MTMR3: variants seen among roughly 807,000 people sequenced by gnomAD.
MTMR3 encodes the protein myotubularin related protein 3.
Under a neutral mutation model 132.4 loss-of-function variants are expected in MTMR3, and 32 were observed. That is an observed-to-expected ratio of 0.24 (90% CI 0.18 to 0.32). The LOEUF (loss-of-function observed/expected upper bound fraction) is 0.32. MTMR3 is among the 10% of genes least tolerant of loss of function. The pLI is 1.00. For missense variants in MTMR3, 1,216 were observed against 1,489.6 expected (o/e 0.82, Z 3.02); for synonymous variants, 556 against 550.3 (o/e 1.01, Z -0.14).
At chr22:29,887,282 C>A (rs1288901669) in intron 1 of MTMR3, among the ~76,000 whole-genome samples, 1 of 152,130 alleles carries the variant, frequency 6.6e-6, no homozygotes, top group South Asian at 2.1e-4. Flanking sequence ...ACATAACCCC[C>A]CTGAGCTCCA....
intron 2 of MTMR3, among the ~76,000 whole-genome samples, chr22:29,966,977 T>A (rs2066433760): frequency 6.6e-6 from 1 of 152,150 alleles, no homozygotes. Context: ...TAATATGATG[T>A]TTCAGAATCA....
intron 1 of MTMR3, among the ~76,000 whole-genome samples, chr22:29,934,004 T>G (rs918050820): frequency 2.0e-5 from 3 of 152,206 alleles, no homozygotes; most frequent in African/African-American, 7.2e-5. Flanking sequence ...GATTTATGGA[T>G]AAAAACATGT....
chr22:30,007,286 C>G lies in MTMR3; in HGVS notation c.844C>G (p.Pro282Ala). 3.7e-6 allele frequency: 6 copies of G among 1,614,178 alleles called. No individual in the cohort carries two copies. The highest frequency in any genetic ancestry group is 1.1e-5 in the South Asian group (1 of 91,084). ...AACTAGGAACACTTCTCGAGACTTTCCCAATGGGGGAGACCTTTCTGACGT... is the reference window on the plus strand; with the variant it reads ...AACTAGGAACACTTCTCGAGACTTTGCCAATGGGGGAGACCTTTCTGACGT... The part of the protein sequence containing the change: ...LSTRNTSRDF[P>A]NGGDLSDVEF... The change falls in exon 10 of 20, where the codon CCC becomes GCC. Residue 282 changes from proline to alanine, a missense_variant. By Grantham distance (27) the Pro-to-Ala change is conservative (BLOSUM62 -1). Transcript: ENST00000401950.
At position 30,018,045 on chromosome 22, in the gene MTMR3, C is replaced by T; in HGVS notation, c.1793C>T (p.Thr598Ile). ...DSCAPYPAPGTSPDDPPLSRL... is the reference protein window; with the variant it reads ...DSCAPYPAPGISPDDPPLSRL... ...TGTGCACCATACCCAGCCCCAGGCA[C>T]CAGCCCTGATGATCCCCCCCTGAGC... Residue 598 changes from threonine (T) to isoleucine (I), a missense_variant, in exon 16 of 20, where the codon ACC (threonine) becomes ATC (isoleucine). Physicochemically the swap from Thr to Ile is moderately conservative, Grantham distance 89. Transcript: ENST00000401950. The T allele has an allele frequency of 6.2e-7, 1 of 1,611,758 alleles. No individual in the cohort carries two copies. Among genetic ancestry groups the T allele is most frequent in the Non-Finnish European group, 8.5e-7 (1 of 1,179,348 alleles).
chr22:29,948,840 C>A (rs1471762309), intron 1 of MTMR3, among the ~76,000 whole-genome samples: 1 of 150,786 alleles, frequency 6.6e-6, no homozygotes, highest in Non-Finnish European at 1.5e-5. Flanking sequence ...TGCTATGACT[C>A]ATGCCTGTAA....
Position 29,991,677 on chromosome 22 carries a change from C to T in MTMR3, c.460+7C>T, listed in dbSNP as rs1345349699. On this transcript the variant is annotated splice_region_variant and intron_variant, in intron 7 of 19. Coordinates refer to ENST00000401950, the MANE Select transcript of MTMR3 (RefSeq NM_021090.4). Reference sequence around the variant, plus strand: ...GGAGACCTGTGCAGACCAGGTACGCCTTTCTGAAATGTGCAAATGGCCAGG... The same window carrying T: ...GGAGACCTGTGCAGACCAGGTACGCTTTTCTGAAATGTGCAAATGGCCAGG... 8.9e-6 allele frequency: 14 copies of T among 1,580,772 alleles called. No homozygotes were observed. The highest frequency in any genetic ancestry group is 1.2e-5 in the Non-Finnish European group (14 of 1,164,250).
At position 29,898,686 on chromosome 22, in the gene MTMR3, G is replaced by A. The variant is rs141950441; in HGVS notation, c.-138+15327G>A. Among the ~76,000 whole-genome samples, 8 of 152,268 alleles carry A rather than the reference G, an allele frequency of 5.3e-5. No individual in the cohort carries two copies. In the East Asian group the frequency reaches 1.5e-3, roughly 29 times the overall value. ...CAAAGTGCTGGTATTATAGGCGTGA[G>A]CCACCGTACCCAGCTCCTAGTAGGT... On this transcript the variant is annotated intron_variant, in intron 1 of 19. Transcript: ENST00000401950.
intron 1 of MTMR3, among the ~76,000 whole-genome samples, chr22:29,924,420 T>G (rs1461367402): frequency 1.3e-5 from 2 of 152,208 alleles, no homozygotes; most frequent in Non-Finnish European, 2.9e-5. Context: ...TGTTGGCCTA[T>G]ATGTCTATTT....
intron 1 of MTMR3, among the ~76,000 whole-genome samples, chr22:29,903,390 C>CTTTTTTTTTTTTTTTTTTT (rs35625964): frequency 5.0e-5 from 6 of 119,704 alleles, no homozygotes; most frequent in Admixed American, 9.8e-5. Context: ...CTTTTTCTTT[C>CTTTTTTTTTTTTTTTTTTT]TTTTTTTTTT....
chr22:29,968,486 A>T (rs139587138), intron 2 of MTMR3, among the ~76,000 whole-genome samples: 1 of 152,146 alleles, frequency 6.6e-6, no homozygotes, highest in South Asian at 2.1e-4. Flanking sequence ...CCGTTCTTTT[A>T]ATAAGTTCAT....
intron 5 of MTMR3, chr22:29,986,172 T>A (rs2066853585): frequency 6.6e-6 from 1 of 152,240 alleles, no homozygotes; most frequent in Admixed American, 6.5e-5. Context: ...TCCTTAGTTG[T>A]GACCAAGGTT....
At chr22:29,976,030 T>C (rs945050153) in intron 3 of MTMR3, among the ~76,000 whole-genome samples, 1 of 152,194 alleles carries the variant, frequency 6.6e-6, no homozygotes, top group African/African-American at 2.4e-5. Flanking sequence ...TATCCACATA[T>C]GATTTTGTAA....
At chr22:30,015,274 C>G (rs2067551756) in intron 14 of MTMR3, 1 of 150,062 alleles carries the variant, frequency 6.7e-6, no homozygotes, top group Admixed American at 6.7e-5. Context: ...CCAGGCAGGT[C>G]TCAAACACCT....
intron 15 of MTMR3, 39 bp from the exon 16 acceptor site, chr22:30,017,888 T>C (rs5763701): frequency 0.045 from 72,882 of 1,610,512 alleles, 4,421 homozygotes; most frequent in South Asian, 0.23. Context: ...AGAAGACTTA[T>C]TGGGGCATAT....
At chr22:29,894,002 C>T (rs1365635307) in intron 1 of MTMR3, among the ~76,000 whole-genome samples, 1 of 152,114 alleles carries the variant, frequency 6.6e-6, no homozygotes, top group Admixed American at 6.5e-5. Context: ...GAAGCCACCA[C>T]AGCCAGCTGA....
intron 1 of MTMR3, among the ~76,000 whole-genome samples, chr22:29,929,742 G>T (rs1602495840): frequency 6.6e-6 from 1 of 152,094 alleles, no homozygotes; most frequent in Non-Finnish European, 1.5e-5. Context: ...TTGATCTCCT[G>T]ACCTCTTGAT....
At chr22:30,012,258 A>G in intron 12 of MTMR3, 110 bp from the exon 13 acceptor site, 1 of 1,229,108 alleles carries the variant, frequency 8.1e-7, no homozygotes, top group Non-Finnish European at 1.1e-6. Context: ...GCAGTGTTAT[A>G]TTTGGAGAGA....
intron 1 of MTMR3, among the ~76,000 whole-genome samples, chr22:29,943,543 T>A (rs1053929547): frequency 6.6e-6 from 1 of 152,140 alleles, no homozygotes; most frequent in African/African-American, 2.4e-5. Flanking sequence ...TATATAAGTT[T>A]ATAAGTTCAT....
chr22:29,911,395 T>G (rs895091863), intron 1 of MTMR3, among the ~76,000 whole-genome samples: 46 of 151,920 alleles, frequency 3.0e-4, no homozygotes, highest in Non-Finnish European at 5.1e-4. Context: ...ATAAAAAAAT[T>G]AGCCAGGTGT....
Sources: gnomAD v4.1 joint callset for allele counts (sites outside exome capture counted in the v4.1 genomes callset) on GRCh38, gnomAD v4.1.1 for gene constraint, MANE v1.5 for transcripts, NCBI Gene and HGNC (gene_info 2026-07-23, HGNC 2026-07-21) for gene names.